The following RALYL variants were observed in gnomAD, a reference collection of about 807,000 sequenced individuals.
The protein encoded by RALYL is RNA-binding Raly-like protein.
A neutral mutation model predicts 35.1 loss-of-function variants in RALYL; 29 were observed. That is an observed-to-expected ratio of 0.83 (90% CI 0.61 to 1.13). The LOEUF (loss-of-function observed/expected upper bound fraction) is 1.13, where lower values mean the gene tolerates loss of function less well. Ranked by LOEUF, RALYL falls within the 50% of genes most tolerant of loss-of-function variation. RALYL has a pLI of 0.00. For missense variants in RALYL, 359 were observed against 360.4 expected (o/e 1.00, Z 0.03); for synonymous variants, 120 against 127.6 (o/e 0.94, Z 0.40).
chr8:84,331,979 T>C (rs1846900040), intron 1 of RALYL, among the ~76,000 whole-genome samples: 1 of 152,142 alleles, frequency 6.6e-6, no homozygotes, highest in Non-Finnish European at 1.5e-5. Context: ...GTTACGAGGT[T>C]CTTAAAATAG....
At position 84,392,810 on chromosome 8, in the gene RALYL, G is replaced by A. The variant is rs565694526; in HGVS notation, c.-23-136489G>A. Among the ~76,000 whole-genome samples, 3 of 152,036 alleles carry A rather than the reference G, an allele frequency of 2.0e-5. No individual in the cohort carries two copies. The East Asian group carries it at 5.8e-4, about 29-fold the overall frequency. On this transcript the variant is annotated intron_variant, in intron 1 of 8. Coordinates refer to ENST00000521268, the MANE Select transcript of RALYL (RefSeq NM_173848.7). ...GAGGAAAAAAAATCTTATTGAATTTGGGCTATTTTACTTGTAATATCTTTT... is the reference window on the plus strand; with the variant it reads ...GAGGAAAAAAAATCTTATTGAATTTAGGCTATTTTACTTGTAATATCTTTT...
At chr8:84,399,809 C>A (rs1385202271) in intron 1 of RALYL, among the ~76,000 whole-genome samples, 1 of 152,180 alleles carries the variant, frequency 6.6e-6, no homozygotes, top group Non-Finnish European at 1.5e-5. Flanking sequence ...AAGGAATTCT[C>A]TTCTAAGTCT....
At chr8:84,183,206 T>G (rs1811678595), upstream of RALYL, 1 of 153,222 alleles carries the variant, frequency 6.5e-6, no homozygotes, top group African/African-American at 2.4e-5. Context: ...GCCGGCGCCC[T>G]GCCTGTCTTG....
At chr8:84,265,115 A>C (rs1833043141) in intron 1 of RALYL, among the ~76,000 whole-genome samples, 1 of 152,184 alleles carries the variant, frequency 6.6e-6, no homozygotes, top group Non-Finnish European at 1.5e-5. Flanking sequence ...AGAGAAAGAT[A>C]ATCTTTTTCA....
intron 1 of RALYL, among the ~76,000 whole-genome samples, chr8:84,281,984 A>T (rs1168213011): frequency 3.3e-5 from 5 of 152,020 alleles, no homozygotes; most frequent in African/African-American, 1.2e-4. Flanking sequence ...TGATTTAGCC[A>T]TTAATGTGCC....
chr8:84,299,588 G>A (rs970049417), intron 1 of RALYL, among the ~76,000 whole-genome samples: 1 of 151,844 alleles, frequency 6.6e-6, no homozygotes, highest in Admixed American at 6.6e-5. Flanking sequence ...CTGTGAATCT[G>A]TGTGGTCCAG....
chr8:84,402,248 G>A (rs2042991854), intron 1 of RALYL, among the ~76,000 whole-genome samples: 1 of 152,078 alleles, frequency 6.6e-6, no homozygotes, highest in South Asian at 2.1e-4. Context: ...CATCACCATA[G>A]CAAATATGCT....
chr8:84,355,301 T>A (rs1851619553), intron 1 of RALYL, among the ~76,000 whole-genome samples: 1 of 150,422 alleles, frequency 6.6e-6, no homozygotes, highest in Non-Finnish European at 1.5e-5. Context: ...TCGCATAGTT[T>A]AGTGGCAGAA....
intron 4 of RALYL, among the ~76,000 whole-genome samples, chr8:84,830,371 A>T (rs916806836): frequency 1.3e-5 from 2 of 152,018 alleles, no homozygotes; most frequent in African/African-American, 2.4e-5. Context: ...CACCAAAATT[A>T]TCGAACTAAC....
At chr8:84,374,520 A>G (rs1856542006) in intron 1 of RALYL, among the ~76,000 whole-genome samples, 1 of 152,026 alleles carries the variant, frequency 6.6e-6, no homozygotes, top group South Asian at 2.1e-4. Context: ...GTACATATAC[A>G]CAATGGAATA....
chr8:84,435,128 C>T (rs1408924034), intron 1 of RALYL, among the ~76,000 whole-genome samples: 1 of 151,958 alleles, frequency 6.6e-6, no homozygotes, highest in Non-Finnish European at 1.5e-5. Context: ...AAAACAGCTA[C>T]TAGGGAAAAA....
intron 1 of RALYL, among the ~76,000 whole-genome samples, chr8:84,212,365 CATGCTT>C (rs2131182053): frequency 6.6e-6 from 1 of 152,206 alleles, no homozygotes; most frequent in African/African-American, 2.4e-5. Context: ...TTTTCAAAAT[CATGCTT>C]AATAGTTGAT....
At chr8:84,520,491 C>T (rs949132755) in intron 1 of RALYL, among the ~76,000 whole-genome samples, 3 of 152,074 alleles carry the variant, frequency 2.0e-5, no homozygotes, top group South Asian at 2.1e-4. Flanking sequence ...AAAATTTCAT[C>T]GGAATATTTT....
At chr8:84,238,537 T>C (rs1020009744) in intron 1 of RALYL, among the ~76,000 whole-genome samples, 1 of 152,152 alleles carries the variant, frequency 6.6e-6, no homozygotes, top group Non-Finnish European at 1.5e-5. Flanking sequence ...ACCTTATAAC[T>C]GCGATATTCA....
intron 8 of RALYL, among the ~76,000 whole-genome samples, chr8:84,914,872 G>T (rs1848192787): frequency 6.6e-6 from 1 of 151,822 alleles, no homozygotes; most frequent in African/African-American, 2.4e-5. Flanking sequence ...TAATTATGAG[G>T]GTATGTATTT....
At chr8:84,278,385 C>T (rs1835844874) in intron 1 of RALYL, among the ~76,000 whole-genome samples, 1 of 152,236 alleles carries the variant, frequency 6.6e-6, no homozygotes, top group South Asian at 2.1e-4. Context: ...TCCTAGGCCT[C>T]CAGGCCTGTG....
chr8:84,881,850 C>T (rs1173328773), intron 7 of RALYL, among the ~76,000 whole-genome samples: 20 of 151,788 alleles, frequency 1.3e-4, no homozygotes, highest in Admixed American at 1.3e-3. Context: ...TTGAAGTATT[C>T]CCTTGGTATG....
chr8:84,652,183 T>A (rs780379551), intron 2 of RALYL, among the ~76,000 whole-genome samples: 7 of 152,016 alleles, frequency 4.6e-5, no homozygotes, highest in Non-Finnish European at 8.8e-5. Context: ...AAAATATAAA[T>A]CTCTTCTTCC....
At chr8:84,565,290 G>A (rs1237107382) in intron 2 of RALYL, among the ~76,000 whole-genome samples, 1 of 151,464 alleles carries the variant, frequency 6.6e-6, no homozygotes, top group African/African-American at 2.4e-5. Flanking sequence ...TTTCTCTTAT[G>A]TTGCCCATTT....
Sources: gnomAD v4.1 joint callset for allele counts (sites outside exome capture counted in the v4.1 genomes callset) on GRCh38, gnomAD v4.1.1 for gene constraint, MANE v1.5 for transcripts, NCBI Gene and HGNC (gene_info 2026-07-23, HGNC 2026-07-21) for gene names.